ECH1: variants seen among roughly 807,000 people sequenced by gnomAD.
ECH1 encodes enoyl-CoA hydratase 1, also known as delta(3,5)-Delta(2,4)-dienoyl-CoA isomerase, mitochondrial.
Under a neutral mutation model 37.0 loss-of-function variants are expected in ECH1, and 30 were observed. That is an observed-to-expected ratio of 0.81 (90% CI 0.61 to 1.10). The LOEUF is 1.10. Among genes scored for constraint, ECH1 ranks in the 50% least tolerant of loss-of-function variants. The probability of loss-of-function intolerance (pLI) is 0.00; values close to 1 mark genes in which losing one functional copy is unlikely to be tolerated. For missense variants in ECH1, 456 were observed against 441.6 expected, an observed-to-expected ratio of 1.03 and a Z score of -0.29; for synonymous variants, 178 against 176.0, an observed-to-expected ratio of 1.01 and a Z score of -0.09.
intron 3 of ECH1, chr19:38,818,273 G>A: frequency 1.0e-6 from 1 of 985,374 alleles, no homozygotes. Context: ...GCAGTCAATG[G>A]TGGTGATGTT....
chr19:38,817,400 C>T (rs764138477), intron 4 of ECH1, 36 bp from the exon 5 acceptor site: 7 of 1,607,336 alleles, frequency 4.4e-6, no homozygotes, highest in Non-Finnish European at 5.1e-6. Context: ...TCAGGGCTGG[C>T]CCAGGGGAGG....
chr19:38,829,473 TAAATA>T (rs540080345), intron 3 of ECH1, among the ~76,000 whole-genome samples: 1 of 141,454 alleles, frequency 7.1e-6, no homozygotes, highest in African/African-American at 2.6e-5. Context: ...AATAAATGAA[TAAATA>T]AAATAAAATA....
rs1310310954 is a variant in ECH1, at chr19:38,816,149, CAATA to C, written c.731+131_731+134del. 2.0e-6 allele frequency: 3 copies of C among 1,473,334 alleles called. No individual in the cohort carries two copies. The Admixed American group carries it at 6.5e-5, about 32-fold the overall frequency. 91.3% of individuals were successfully genotyped at this position (1,473,334 alleles called of 1,614,324 possible). Reference sequence around the variant, plus strand: ...CAATCAGAGCAGGGGGCTGACCCCACAATAAAGAAATGAGCTCACCAAGAAAGGA... The same window carrying C: ...CAATCAGAGCAGGGGGCTGACCCCACAAGAAATGAGCTCACCAAGAAAGGA... On this transcript the variant is annotated intron_variant, in intron 8 of 9. Transcript: ENST00000221418.
In ECH1 at chr19:38,831,712, G is replaced by A. The variant is rs78637797; in HGVS notation, c.52+9C>T. ...GCGACGCACCCCCATAAGGCAAGAGGTGACTCACGCCGGGTCAGTAGGTCG... is the reference window on the plus strand; with the variant it reads ...GCGACGCACCCCCATAAGGCAAGAGATGACTCACGCCGGGTCAGTAGGTCG... On this transcript the variant is annotated intron_variant, in intron 1 of 9. Coordinates refer to ENST00000221418, the MANE Select transcript of ECH1 (RefSeq NM_001398.3). 6.2e-7 allele frequency: 1 copy of A among 1,613,752 alleles called. No homozygotes were observed. The highest frequency in any genetic ancestry group is 1.1e-5 in the South Asian group (1 of 90,982).
At chr19:38,817,171 CA>C in intron 5 of ECH1, 42 bp from the exon 6 acceptor site, 2 of 1,554,360 alleles carry the variant, frequency 1.3e-6, no homozygotes, top group Middle Eastern at 1.7e-4. Context: ...CCACCAGAAC[CA>C]ACCCTGGCTC....
At chr19:38,829,815 GAAA>G (rs796733541) in intron 3 of ECH1, among the ~76,000 whole-genome samples, 1 of 124,892 alleles carries the variant, frequency 8.0e-6, no homozygotes, top group African/African-American at 3.0e-5. Context: ...CTCTGTCTCA[GAAA>G]AAAAAAAAAA....
chr19:38,829,760 G>A (rs1026360965), intron 3 of ECH1, among the ~76,000 whole-genome samples: 4 of 150,736 alleles, frequency 2.7e-5, no homozygotes, highest in Non-Finnish European at 5.9e-5. Context: ...AGCTTGCAGC[G>A]AGCCGAGATC....
chr19:38,820,849 G>A (rs1362889538), intron 3 of ECH1, among the ~76,000 whole-genome samples: 1 of 152,190 alleles, frequency 6.6e-6, no homozygotes, highest in Non-Finnish European at 1.5e-5. Context: ...TGAGAGCAAG[G>A]GGTCAGGAAT....
In ECH1 at chr19:38,815,566, G is replaced by A. The variant is rs780102822; in HGVS notation, c.*47C>T. On this transcript the variant is annotated 3_prime_UTR_variant, in exon 10 of 10. Transcript: ENST00000221418. ...CCCATCCTCCCTTTCTGTGGATGAGGCGGGACAAGGCCGGCCCCCTGGCTG... is the reference window on the plus strand; with the variant it reads ...CCCATCCTCCCTTTCTGTGGATGAGACGGGACAAGGCCGGCCCCCTGGCTG... The A allele has an allele frequency of 1.3e-6, 2 of 1,571,562 alleles. No homozygotes were observed.
Position 38,817,452 on chromosome 19 carries a change from C to T in ECH1, c.473G>A (p.Arg158Lys), listed in dbSNP as rs781756442. The T allele has an allele frequency of 1.3e-5, 21 of 1,613,576 alleles. No homozygotes were observed. Among genetic ancestry groups the T allele is most frequent in the Non-Finnish European group, 1.8e-5 (21 of 1,179,792 alleles). Residue 158 changes from arginine to lysine, a missense_variant and splice_region_variant, in exon 4 of 10, where the codon AGG becomes AAG. Transcript: ENST00000221418. Reference sequence around the variant, plus strand: ...TCCCCTCCAGACCCCTAGAGTCACCCTCTCGATGACGTTGAAGGTCTCCTG... The same window carrying T: ...TCCCCTCCAGACCCCTAGAGTCACCTTCTCGATGACGTTGAAGGTCTCCTG... ...RYQETFNVIE[R>K]CPKPVIAAVH... is the part of the protein sequence containing the mutation.
chr19:38,816,535 A>G lies in ECH1; in HGVS notation c.589-12T>C. On this transcript the variant is annotated splice_polypyrimidine_tract_variant and intron_variant, in intron 6 of 9. Coordinates refer to ENST00000221418, the MANE Select transcript of ECH1 (RefSeq NM_001398.3). Reference sequence around the variant, plus strand: ...CCCACGTCCACCTCCTGGGGGAGGAATCGGGTCAGTGTTTGGTTTCTGCCC... The same window carrying G: ...CCCACGTCCACCTCCTGGGGGAGGAGTCGGGTCAGTGTTTGGTTTCTGCCC... The G allele has an allele frequency of 6.2e-7, 1 of 1,614,038 alleles. No individual in the cohort carries two copies. Among genetic ancestry groups the G allele is most frequent in the Non-Finnish European group, 8.5e-7 (1 of 1,179,944 alleles).
At chr19:38,825,952 C>T (rs912537051) in intron 3 of ECH1, among the ~76,000 whole-genome samples, 12 of 152,154 alleles carry the variant, frequency 7.9e-5, no homozygotes, top group South Asian at 2.1e-4. Context: ...GCCCCGGGTA[C>T]GTTTAACCAT....
chr19:38,816,050 T>C, intron 8 of ECH1, 43 bp from the exon 9 acceptor site: 2 of 1,608,292 alleles, frequency 1.2e-6, no homozygotes, highest in Non-Finnish European at 8.5e-7. Flanking sequence ...TGGGAAGGGC[T>C]CTCTCCTCCA....
intron 3 of ECH1, among the ~76,000 whole-genome samples, chr19:38,830,065 G>A (rs1425452673): frequency 6.6e-6 from 1 of 152,160 alleles, no homozygotes; most frequent in Non-Finnish European, 1.5e-5. Flanking sequence ...GCTGTGGCAG[G>A]AGAATCACTT....
In ECH1 at chr19:38,831,411, T is replaced by C; in HGVS notation, c.158A>G (p.His53Arg). 1.9e-6 allele frequency: 3 copies of C among 1,613,930 alleles called. No individual in the cohort carries two copies. The highest frequency in any genetic ancestry group is 2.2e-5 in the South Asian group (2 of 91,068). ...CGTCACACGAAGGGACTCATAGCTG[T>C]GGTCTGGGGCTTCACCGAGGGCTAC... is the stretch of plus-strand genomic sequence containing the variant. ...SGVALGEAPDHSYESLRVTSA... is the reference protein window; with the variant it reads ...SGVALGEAPDRSYESLRVTSA... The change falls in exon 2 of 10, where the codon CAC becomes CGC. Residue 53 changes from histidine to arginine, a missense_variant. Physicochemically the swap from His to Arg is conservative, Grantham distance 29. Transcript: ENST00000221418.
intron 1 of ECH1, 59 bp downstream of exon 1, chr19:38,831,662 A>G (rs527572284): frequency 1.2e-6 from 2 of 1,606,494 alleles, no homozygotes; most frequent in Admixed American, 1.7e-5. Flanking sequence ...TCCCCGTCCT[A>G]CATCTGCTAT....
intron 8 of ECH1, 27 bp from the exon 9 acceptor site, chr19:38,816,034 G>T (rs200148431): frequency 6.2e-7 from 1 of 1,610,846 alleles, no homozygotes; most frequent in Non-Finnish European, 8.5e-7. Context: ...CAGGGACCGG[G>T]TGGGCTGGGA....
intron 3 of ECH1, chr19:38,817,880 T>C: frequency 2.5e-6 from 1 of 401,066 alleles, no homozygotes; most frequent in Non-Finnish European, 3.4e-6. Flanking sequence ...CCCAAGGGGG[T>C]CACACTGGCT....
chr19:38,828,357 C>T (rs2145387370), intron 3 of ECH1, among the ~76,000 whole-genome samples: 1 of 151,310 alleles, frequency 6.6e-6, no homozygotes, highest in East Asian at 2.0e-4. Context: ...TCAGGCTCTC[C>T]AGCAGCTGGG....
Sources: allele counts gnomAD v4.1 joint callset (sites outside exome capture counted in the v4.1 genomes callset), GRCh38; gene constraint gnomAD v4.1.1; transcripts MANE v1.5; gene names NCBI Gene and HGNC (gene_info 2026-07-23, HGNC 2026-07-21).